The following COL4A1 variants were observed in gnomAD, a reference collection of about 807,000 sequenced individuals.
COL4A1 encodes the protein collagen alpha-1(IV) chain.
Under a neutral mutation model 216.6 loss-of-function variants are expected in COL4A1, and 40 were observed. The observed-to-expected ratio is 0.18, with a 90% CI of 0.14 to 0.24. COL4A1 has a LOEUF of 0.24. Ranked by LOEUF, COL4A1 falls within the 10% of genes least tolerant of loss-of-function variation. The probability of loss-of-function intolerance (pLI) is 1.00; values close to 1 mark genes in which losing one functional copy is unlikely to be tolerated. For missense variants in COL4A1, 1,628 were observed against 2,196.8 expected, an observed-to-expected ratio of 0.74 and a Z score of 5.18; for synonymous variants, 839 against 810.7, an observed-to-expected ratio of 1.03 and a Z score of -0.59.
intron 43 of COL4A1, among the ~76,000 whole-genome samples, chr13:110,168,820 C>T (rs11069831): frequency 0.52 from 78,986 of 152,050 alleles, 20,726 homozygotes; most frequent in African/African-American, 0.53. Flanking sequence ...TTTCTCCTAA[C>T]GTGTGTTAGA....
chr13:110,285,888 G>A (rs1279938918), intron 1 of COL4A1, among the ~76,000 whole-genome samples: 1 of 152,072 alleles, frequency 6.6e-6, no homozygotes, highest in Non-Finnish European at 1.5e-5. Context: ...TAAACTATCT[G>A]GATGTATTGG....
chr13:110,195,955 C>T (rs920779982), intron 21 of COL4A1, among the ~76,000 whole-genome samples: 1 of 152,184 alleles, frequency 6.6e-6, no homozygotes, highest in African/African-American at 2.4e-5. Flanking sequence ...CCCTGAGTCC[C>T]AGACTATAGA....
chr13:110,212,366 C>T (rs780732724), intron 6 of COL4A1, 51 bp downstream of exon 6: 35 of 1,607,448 alleles, frequency 2.2e-5, no homozygotes, highest in South Asian at 5.5e-5. Context: ...CCTTAATATG[C>T]AAAAATTACG....
chr13:110,170,870 G>T (rs895568998), intron 41 of COL4A1, 138 bp from the exon 42 acceptor site: 1 of 856,946 alleles, frequency 1.2e-6, no homozygotes, highest in Non-Finnish European at 1.9e-6. Flanking sequence ...GACACCACAG[G>T]AAACTGCAGC....
In COL4A1 at chr13:110,179,252, C is replaced by T. The variant is rs760656051; in HGVS notation, c.2344+19G>A. On this transcript the variant is annotated intron_variant, in intron 30 of 51. Transcript: ENST00000375820. ...CATCCTGTCCTCGAAACCCTCCAGACTGATCTGCATGAAGTTACCTCTGAT... is the reference window on the plus strand; with the variant it reads ...CATCCTGTCCTCGAAACCCTCCAGATTGATCTGCATGAAGTTACCTCTGAT... 2.5e-6 allele frequency: 4 copies of T among 1,614,022 alleles called. No homozygotes were observed. The highest frequency in any genetic ancestry group is 3.3e-5 in the Admixed American group (2 of 60,004).
At chr13:110,219,076 C>T (rs546072469) in intron 2 of COL4A1, among the ~76,000 whole-genome samples, 23 of 152,244 alleles carry the variant, frequency 1.5e-4, no homozygotes, top group African/African-American at 4.3e-4. Context: ...GGGAAAGCTG[C>T]GGTGGGTGCC....
At chr13:110,301,110 A>G (rs758409980) in intron 1 of COL4A1, among the ~76,000 whole-genome samples, 25 of 152,246 alleles carry the variant, frequency 1.6e-4, no homozygotes, top group Non-Finnish European at 1.0e-4. Context: ...GTGGTGGAAT[A>G]TCTACTCCAA....
intron 2 of COL4A1, among the ~76,000 whole-genome samples, chr13:110,230,811 C>A (rs1296240687): frequency 6.6e-6 from 1 of 152,248 alleles, no homozygotes; most frequent in Non-Finnish European, 1.5e-5. Context: ...ATGCAGGTTC[C>A]ACGTGCAGAG....
chr13:110,304,065 G>C (rs996494260), intron 1 of COL4A1, among the ~76,000 whole-genome samples: 4 of 152,320 alleles, frequency 2.6e-5, no homozygotes, highest in South Asian at 2.1e-4. Flanking sequence ...TGATAATTCT[G>C]TGAATCTAGT....
intron 1 of COL4A1, among the ~76,000 whole-genome samples, chr13:110,300,416 TG>T (rs1443537852): frequency 1.3e-5 from 2 of 152,258 alleles, no homozygotes; most frequent in Non-Finnish European, 2.9e-5. Flanking sequence ...GAATTACAGC[TG>T]GAACACACTG....
At chr13:110,254,042 A>G (rs1346267559) in intron 1 of COL4A1, among the ~76,000 whole-genome samples, 1 of 152,134 alleles carries the variant, frequency 6.6e-6, no homozygotes, top group East Asian at 1.9e-4. Flanking sequence ...GATACCACAC[A>G]TGGAAAACTC....
At chr13:110,295,971 A>C (rs1028144560) in intron 1 of COL4A1, among the ~76,000 whole-genome samples, 4 of 152,220 alleles carry the variant, frequency 2.6e-5, no homozygotes, top group Non-Finnish European at 2.9e-5. Flanking sequence ...GCTCAAGCCA[A>C]AACTCAGATG....
chr13:110,206,763 A>C (rs781309983), intron 14 of COL4A1, 48 bp from the exon 15 acceptor site: 58 of 1,609,810 alleles, frequency 3.6e-5, no homozygotes, highest in Non-Finnish European at 4.8e-5. Flanking sequence ...ATTTAAGCAA[A>C]ATTTAAATTA....
In COL4A1 at chr13:110,155,355, G is replaced by A. The variant is rs765833500; in HGVS notation, c.4683C>T (p.His1561=). ...ACGGTGGGATCTGAATGGTCTGGCTGTGCACGGCCATCACCATGGCAGGCG... is the reference window on the plus strand; with the variant it reads ...ACGGTGGGATCTGAATGGTCTGGCTATGCACGGCCATCACCATGGCAGGCG... ...CEAPAMVMAV[H]SQTIQIPPCP... Residue 1561 remains histidine (H), a synonymous_variant, in exon 50 of 52, where the codon CAC becomes CAT. Transcript: ENST00000375820. The A allele has an allele frequency of 1.4e-5, 22 of 1,614,074 alleles. No homozygotes were observed. Among genetic ancestry groups the A allele is most frequent in the Non-Finnish European group, 1.9e-5 (22 of 1,180,028 alleles).
intron 1 of COL4A1, among the ~76,000 whole-genome samples, chr13:110,302,891 A>C (rs889541931): frequency 3.3e-5 from 5 of 152,216 alleles, no homozygotes; most frequent in African/African-American, 4.8e-5. Context: ...CAAGAACTCA[A>C]AATACCAAAC....
chr13:110,279,498 G>T (rs149752862), intron 1 of COL4A1, among the ~76,000 whole-genome samples: 14 of 152,204 alleles, frequency 9.2e-5, no homozygotes, highest in African/African-American at 3.4e-4. Context: ...TTTTTGCTCA[G>T]TTCCCCATAT....
intron 22 of COL4A1, among the ~76,000 whole-genome samples, chr13:110,194,491 T>C (rs1187364343): frequency 6.6e-6 from 1 of 152,142 alleles, no homozygotes; most frequent in South Asian, 2.1e-4. Context: ...AAGTGTCCTG[T>C]GCGGGTAGTA....
At chr13:110,201,897 G>A (rs897876766) in intron 18 of COL4A1, among the ~76,000 whole-genome samples, 2 of 152,162 alleles carry the variant, frequency 1.3e-5, no homozygotes, top group Non-Finnish European at 2.9e-5. Context: ...CGGGAGAATC[G>A]CTCGAACCCA....
At chr13:110,172,507 T>C (rs539660783) in intron 41 of COL4A1, among the ~76,000 whole-genome samples, 1 of 152,336 alleles carries the variant, frequency 6.6e-6, no homozygotes, top group Non-Finnish European at 1.5e-5. Flanking sequence ...ATAATTCTGA[T>C]CATGAGTGTA....
Sources: gnomAD v4.1 joint callset for allele counts (sites outside exome capture counted in the v4.1 genomes callset) on GRCh38, gnomAD v4.1.1 for gene constraint, MANE v1.5 for transcripts, NCBI Gene and HGNC (gene_info 2026-07-23, HGNC 2026-07-21) for gene names.